WTIP: variants seen among roughly 807,000 people sequenced by gnomAD.
WTIP encodes Wilms tumor protein 1-interacting protein.
A neutral mutation model predicts 41.7 loss-of-function variants in WTIP; 23 were observed. That is an observed-to-expected ratio of 0.55 (90% CI 0.40 to 0.78). The LOEUF (loss-of-function observed/expected upper bound fraction) is 0.78. Among genes scored for constraint, WTIP ranks in the 30% least tolerant of loss-of-function variants. The pLI, the probability that WTIP is intolerant of heterozygous loss-of-function variation, is 0.00. For synonymous variants in WTIP, 314 were observed against 269.9 expected (o/e 1.16, Z -1.60); for missense variants, 619 against 610.5 (o/e 1.01, Z -0.15).
At chr19:34,499,365 G>A (rs926385065) in intron 7 of WTIP, among the ~76,000 whole-genome samples, 13 of 151,774 alleles carry the variant, frequency 8.6e-5, no homozygotes, top group Non-Finnish European at 1.9e-4. Context: ...AAAATTCACA[G>A]GGCGTGGCAG....
chr19:34,482,773 T>C, intron 1 of WTIP, 132 bp downstream of exon 1: 1 of 1,200,194 alleles, frequency 8.3e-7, no homozygotes, highest in Non-Finnish European at 1.0e-6. Context: ...TGCACGGGGT[T>C]GGGACGAGGA....
At position 34,493,327 on chromosome 19, in the gene WTIP, T is replaced by G; in HGVS notation, c.900+2T>G. 2 of 1,612,202 alleles carry G rather than the reference T, an allele frequency of 1.2e-6. No homozygotes were observed. Among genetic ancestry groups the G allele is most frequent in the Non-Finnish European group, 1.7e-6 (2 of 1,179,358 alleles). ...TGTGGACATCTCATCATGGAAATGG[T>G]GAGCCCCTGCCCCAGCCTCCTGGAG... On this transcript the variant is annotated splice_donor_variant, in intron 4 of 7. Coordinates refer to ENST00000590071, the MANE Select transcript of WTIP (RefSeq NM_001080436.2). LOFTEE classifies it high-confidence loss of function. The surrounding 1 kb of genome is among the most constrained non-coding windows in gnomAD (Gnocchi z 4.1).
intron 1 of WTIP, among the ~76,000 whole-genome samples, chr19:34,484,041 C>T (rs1255472673): frequency 2.7e-5 from 4 of 150,942 alleles, no homozygotes; most frequent in African/African-American, 2.4e-5. Flanking sequence ...ATTCTCCTGC[C>T]TCAGCCTCCC....
rs2075767261 is a variant in WTIP, at chr19:34,481,826, G to GACCCCGGCCCGGCGCCGGCCCC, written c.-148_-127dup. ...CCGGCCCGCGCGTGGCCGCCGGAAC[G>GACCCCGGCCCGGCGCCGGCCCC]ACCCCGGCCCGGCGCCGGCCCCGCC... On this transcript the variant is annotated 5_prime_UTR_variant, in exon 1 of 8. Transcript: ENST00000590071. 1 of 247,296 alleles carries GACCCCGGCCCGGCGCCGGCCCC rather than the reference G, an allele frequency of 4.0e-6. No homozygotes were observed. Among genetic ancestry groups the GACCCCGGCCCGGCGCCGGCCCC allele is most frequent in the Admixed American group, 6.8e-5 (1 of 14,764 alleles). 15.3% of individuals were successfully genotyped at this position (247,296 alleles called of 1,614,324 possible).
chr19:34,508,076 C>CTT lies in WTIP; in HGVS notation c.*7816_*7817dup. On this transcript the variant is annotated 3_prime_UTR_variant, in exon 8 of 8. Coordinates refer to ENST00000590071, the MANE Select transcript of WTIP (RefSeq NM_001080436.2). ...CATTCTCTGTTAGTGTGAGGTGGGA[C>CTT]TTTTTTTTTTGTTTTGAGATGGAGT... 6.7e-6 allele frequency: 1 copy of CTT among 148,188 alleles called. No individual in the cohort carries two copies. Among genetic ancestry groups the CTT allele is most frequent in the East Asian group, 2.0e-4 (1 of 5,046 alleles). 9.2% of individuals were successfully genotyped at this position (148,188 alleles called of 1,614,324 possible).
chr19:34,494,466 A>G (rs929368615), intron 5 of WTIP, 120 bp from the exon 6 acceptor site: 2 of 917,192 alleles, frequency 2.2e-6, no homozygotes, highest in Non-Finnish European at 3.5e-6. Context: ...AGGTGTGCAC[A>G]CAGGGAGAGA....
At chr19:34,492,565 T>C (rs1293302603) in intron 2 of WTIP, among the ~76,000 whole-genome samples, 2 of 151,502 alleles carry the variant, frequency 1.3e-5, no homozygotes, top group East Asian at 3.9e-4. Context: ...GCCAGGCACC[T>C]GTAGTCCCAG....
At position 34,482,276 on chromosome 19, in the gene WTIP, G is replaced by C. The variant is rs1384098880; in HGVS notation, c.302G>C (p.Gly101Ala). 30 of 1,313,818 alleles carry C rather than the reference G, an allele frequency of 2.3e-5. No individual in the cohort carries two copies. Among genetic ancestry groups the C allele is most frequent in the African/African-American group, 6.3e-5 (4 of 63,896 alleles). 81.4% of individuals were successfully genotyped at this position (1,313,818 alleles called of 1,614,324 possible). The change falls in exon 1 of 8, where the codon GGT becomes GCT. Residue 101 changes from glycine (G) to alanine (A), a missense_variant. Physicochemically the swap from Gly to Ala is moderately conservative, Grantham distance 60 (BLOSUM62 0). Around this residue, in one of 3 missense-constraint regions of WTIP, gnomAD observed 363 missense variants for 309.0 expected, o/e 1.17. Coordinates refer to ENST00000590071, the MANE Select transcript of WTIP (RefSeq NM_001080436.2). ...ASLAGSDGGGGGGSARSSGIS... is the reference protein window; with the variant it reads ...ASLAGSDGGGAGGSARSSGIS... ...CTGGCGGGGTCCGACGGCGGCGGCG[G>C]TGGCGGCAGCGCCCGATCCAGCGGC...
chr19:34,495,096 TC>T (rs1235333377), intron 6 of WTIP, among the ~76,000 whole-genome samples: 1 of 152,034 alleles, frequency 6.6e-6, no homozygotes, highest in East Asian at 1.9e-4. Flanking sequence ...CTTTTGAGAC[TC>T]CAAGGAAGTG....
At chr19:34,483,593 G>T (rs1210683598) in intron 1 of WTIP, among the ~76,000 whole-genome samples, 2 of 152,228 alleles carry the variant, frequency 1.3e-5, no homozygotes, top group Non-Finnish European at 1.5e-5. Flanking sequence ...CCCTCGCCCG[G>T]ACTGTGCTGT....
At position 34,495,747 on chromosome 19, in the gene WTIP, C is replaced by A; in HGVS notation, c.1128C>A (p.Tyr376Ter). ...GTGTGGTGTCCATGGACAGAGACTA[C>A]CACGTGGCATGTTACCACTGTGAGG... ...TIRVVSMDRD[Y>*]HVACYHCEDC... The change falls in exon 7 of 8, where the codon TAC becomes TAA. Residue 376 changes from tyrosine to a stop codon, truncating the protein, a stop_gained. Coordinates refer to ENST00000590071, the MANE Select transcript of WTIP (RefSeq NM_001080436.2). LOFTEE classifies it high-confidence loss of function. The A allele has an allele frequency of 1.2e-6, 2 of 1,613,872 alleles. No homozygotes were observed. The highest frequency in any genetic ancestry group is 1.7e-6 in the Non-Finnish European group (2 of 1,179,972).
rs542013768 is a variant in WTIP, at chr19:34,493,214, C to A, written c.838-49C>A. On this transcript the variant is annotated intron_variant, in intron 3 of 7. Coordinates refer to ENST00000590071, the MANE Select transcript of WTIP (RefSeq NM_001080436.2). This position sits in a 1 kb window ranked among gnomAD's most constrained non-coding sequence, Gnocchi z 4.1. ...CAGGAGGCAGGTGCTAGCTGGGCCG[C>A]GAGTGCCCCTTTGTCACACAATGTC... 19 of 1,612,772 alleles carry A rather than the reference C, an allele frequency of 1.2e-5. No homozygotes were observed. The highest frequency in any genetic ancestry group is 2.5e-6 in the Non-Finnish European group (3 of 1,179,076).
At chr19:34,489,238 G>A (rs1403891893) in intron 1 of WTIP, among the ~76,000 whole-genome samples, 4 of 146,164 alleles carry the variant, frequency 2.7e-5, no homozygotes, top group African/African-American at 5.1e-5. Flanking sequence ...ATCTAACGCC[G>A]TAGCACTCGT....
chr19:34,482,343 C>T lies in WTIP; in HGVS notation c.369C>T (p.Ser123=), dbSNP rs780915036. 2.1e-5 allele frequency: 29 copies of T among 1,386,406 alleles called. No individual in the cohort carries two copies. The highest frequency in any genetic ancestry group is 1.7e-4 in the African/African-American group (11 of 65,668). The allele number at this position is 1,386,406 out of a possible 1,614,324, so 85.9% of individuals were successfully genotyped here. The change falls in exon 1 of 8, where the codon TCC becomes TCT. Residue 123 remains serine, a synonymous_variant. Transcript: ENST00000590071. The part of the protein sequence containing the change: ...GYDQRHGSPR[S]GRSDPRPGPG... ...ACCAGCGCCACGGCAGCCCGCGCTC[C>T]GGTCGCTCGGACCCGCGTCCCGGTC...
Position 34,500,399 on chromosome 19 carries a change from C to T in WTIP, c.*130C>T, listed in dbSNP as rs1424417253. ...CCACCGAGCTGCTGTCTGCAGGGGCCGGACCCCCGCGTGGAAGCTTCTATT... is the reference window on the plus strand; with the variant it reads ...CCACCGAGCTGCTGTCTGCAGGGGCTGGACCCCCGCGTGGAAGCTTCTATT... On this transcript the variant is annotated 3_prime_UTR_variant, in exon 8 of 8. Transcript: ENST00000590071. 1.0e-5 allele frequency: 13 copies of T among 1,254,328 alleles called. No homozygotes were observed. The highest frequency in any genetic ancestry group is 2.6e-5 in the East Asian group (1 of 37,902). 77.7% of individuals were successfully genotyped at this position (1,254,328 alleles called of 1,614,324 possible).
intron 1 of WTIP, among the ~76,000 whole-genome samples, chr19:34,490,158 G>T (rs537586001): frequency 1.3e-5 from 2 of 152,060 alleles, no homozygotes; most frequent in African/African-American, 4.8e-5. Context: ...CTGGGTGCTC[G>T]GCCAAGCCCT....
At chr19:34,485,024 T>C (rs1318162131) in intron 1 of WTIP, among the ~76,000 whole-genome samples, 5 of 152,200 alleles carry the variant, frequency 3.3e-5, no homozygotes, top group Admixed American at 2.6e-4. Flanking sequence ...TTTTTTATTT[T>C]GTTTTCAAGA....
At chr19:34,483,844 C>T (rs1311857040) in intron 1 of WTIP, among the ~76,000 whole-genome samples, 1 of 151,308 alleles carries the variant, frequency 6.6e-6, no homozygotes, top group Non-Finnish European at 1.5e-5. Context: ...ATGCCTGGGA[C>T]CGTGGCTGTC....
intron 7 of WTIP, among the ~76,000 whole-genome samples, chr19:34,497,535 G>C (rs964543214): frequency 2.0e-5 from 3 of 152,192 alleles, no homozygotes; most frequent in East Asian, 1.9e-4. Context: ...AGGAGTGGGG[G>C]TCAGGATAGC....
Sources: gnomAD v4.1 joint callset for allele counts (sites outside exome capture counted in the v4.1 genomes callset) on GRCh38, gnomAD v4.1.1 for gene constraint, gnomAD v4.1.1 regional missense constraint, Gnocchi (gnomAD v3.1) non-coding constraint, MANE v1.5 for transcripts, NCBI Gene and HGNC (gene_info 2026-07-23, HGNC 2026-07-21) for gene names.